TMEM230: variants seen among roughly 807,000 people sequenced by gnomAD.
TMEM230 encodes the protein UPF0414 transmembrane protein C20orf30.
A neutral mutation model predicts 15.8 loss-of-function variants in TMEM230; 10 were observed. The ratio of observed to expected loss-of-function variants is 0.63; its 90% CI spans 0.39 to 1.07. TMEM230 has a LOEUF of 1.07. TMEM230 is among the 50% of genes least tolerant of loss of function. The pLI is 0.01. For synonymous variants in TMEM230, 67 were observed against 76.9 expected (o/e 0.87, Z 0.68); for missense variants, 165 against 193.3 (o/e 0.85, Z 0.87).
chr20:5,104,520 G>A (rs1346185244), intron 4 of TMEM230, among the ~76,000 whole-genome samples: 7 of 152,182 alleles, frequency 4.6e-5, no homozygotes, highest in Non-Finnish European at 1.0e-4. Context: ...TCACAGCTAG[G>A]TATATACCCA....
chr20:5,080,371 T>C (rs4315602), intron 3 of TMEM230, among the ~76,000 whole-genome samples: 66,467 of 151,662 alleles, frequency 0.44, 16,907 homozygotes, highest in East Asian at 0.84. Context: ...ACTTCTCATT[T>C]CTACAGCAAG....
downstream of TMEM230, chr20:5,067,423 A>ATATATATATATG (rs2088680232): frequency 3.2e-4 from 3 of 9,300 alleles, 1 homozygote; most frequent in Admixed American, 1.3e-3. Context: ...ATATATATAT[A>ATATATATATATG]TATATATATA....
chr20:5,063,706 C>G (rs188861921), downstream of TMEM230, among the ~76,000 whole-genome samples: 289 of 152,270 alleles, frequency 1.9e-3, 2 homozygotes, highest in South Asian at 0.013. Flanking sequence ...AAAAGTCATA[C>G]AAGCTGCATA....
chr20:5,080,245 G>A (rs960883231), intron 3 of TMEM230, among the ~76,000 whole-genome samples: 3 of 152,072 alleles, frequency 2.0e-5, no homozygotes, highest in African/African-American at 7.2e-5. Context: ...TGTAGACGCC[G>A]GAAAATAAAG....
chr20:5,082,066 T>C (rs939761494), intron 3 of TMEM230, among the ~76,000 whole-genome samples: 1 of 150,704 alleles, frequency 6.6e-6, no homozygotes, highest in Non-Finnish European at 1.5e-5. Context: ...TTTTCTTTTT[T>C]AGCAGAGATG....
intron 4 of TMEM230, among the ~76,000 whole-genome samples, chr20:5,104,429 C>T (rs892203448): frequency 6.6e-6 from 1 of 152,158 alleles, no homozygotes; most frequent in African/African-American, 2.4e-5. Context: ...AGGGAACCCT[C>T]GTACAATGTT....
intron 3 of TMEM230, among the ~76,000 whole-genome samples, chr20:5,084,848 G>A (rs867728571): frequency 2.6e-5 from 4 of 152,148 alleles, no homozygotes; most frequent in Non-Finnish European, 5.9e-5. Flanking sequence ...AATATTCCAC[G>A]TTGTATATGT....
intron 1 of TMEM230, 73 bp downstream of exon 1, chr20:5,112,888 G>C: frequency 6.5e-7 from 1 of 1,548,086 alleles, no homozygotes; most frequent in South Asian, 1.2e-5. Context: ...ATTTCGGCGG[G>C]GAGCGCGGTC....
intron 2 of TMEM230, 127 bp from the exon 2 acceptor site, chr20:5,109,572 G>T: frequency 1.4e-6 from 1 of 706,772 alleles, no homozygotes; most frequent in Admixed American, 2.7e-5. Context: ...CTAGCAATGG[G>T]CAATTTACAC....
chr20:5,066,371 T>G (rs1218072524), downstream of TMEM230: 1 of 152,106 alleles, frequency 6.6e-6, no homozygotes, highest in African/African-American at 2.4e-5. Context: ...GAACATTTTT[T>G]AAAAAACAAA....
downstream of TMEM230, chr20:5,098,370 T>C (rs2089729090): frequency 6.6e-6 from 1 of 152,198 alleles, no homozygotes; most frequent in Non-Finnish European, 1.5e-5. Flanking sequence ...AACATTATTA[T>C]GGAGGTTTAG....
At chr20:5,088,847 C>T (rs1000954233) in intron 3 of TMEM230, among the ~76,000 whole-genome samples, 1 of 152,056 alleles carries the variant, frequency 6.6e-6, no homozygotes. Flanking sequence ...GAGGAGGCAA[C>T]GGTGATAGGC....
intron 3 of TMEM230, among the ~76,000 whole-genome samples, chr20:5,093,017 G>C (rs1018410311): frequency 6.6e-6 from 1 of 152,024 alleles, no homozygotes; most frequent in Non-Finnish European, 1.5e-5. Context: ...GTGAGAAAAA[G>C]AAATGACAGG....
intron 2 of TMEM230, among the ~76,000 whole-genome samples, chr20:5,110,904 G>A (rs1181604489): frequency 1.3e-5 from 2 of 152,144 alleles, no homozygotes; most frequent in African/African-American, 4.8e-5. Context: ...TTAATAGGCC[G>A]GGCGTGATAG....
At chr20:5,091,385 AT>A (rs1473647457) in intron 3 of TMEM230, among the ~76,000 whole-genome samples, 1 of 151,888 alleles carries the variant, frequency 6.6e-6, no homozygotes, top group Non-Finnish European at 1.5e-5. Flanking sequence ...TAATTTTTGT[AT>A]TTTTAGTAGA....
At chr20:5,060,063 C>T in the TMEM230 span, among the ~76,000 whole-genome samples, 1 of 152,000 alleles carries the variant, frequency 6.6e-6, no homozygotes, top group Non-Finnish European at 1.5e-5. Flanking sequence ...TGAGCTACTG[C>T]TCCCAGCCAG....
chr20:5,091,965 T>C (rs1568491290), intron 3 of TMEM230, among the ~76,000 whole-genome samples: 2 of 152,232 alleles, frequency 1.3e-5, no homozygotes, highest in Admixed American at 1.3e-4. Flanking sequence ...TTATTTGTTT[T>C]AATGAAGAGA....
At chr20:5,088,711 A>T (rs2089426914) in intron 3 of TMEM230, among the ~76,000 whole-genome samples, 1 of 151,776 alleles carries the variant, frequency 6.6e-6, no homozygotes, top group African/African-American at 2.4e-5. Flanking sequence ...ATGGGGTCTC[A>T]CTATGTTACC....
At chr20:5,112,091 G>A (rs998863178) in intron 1 of TMEM230, among the ~76,000 whole-genome samples, 2 of 152,164 alleles carry the variant, frequency 1.3e-5, no homozygotes, top group African/African-American at 2.4e-5. Context: ...TGATCCGTCC[G>A]CCTCGGCCTC....
Sources: gnomAD v4.1 joint callset for allele counts (sites outside exome capture counted in the v4.1 genomes callset) on GRCh38, gnomAD v4.1.1 for gene constraint, MANE v1.5 for transcripts, NCBI Gene and HGNC (gene_info 2026-07-23, HGNC 2026-07-21) for gene names.